ARHGAP26: variants seen among roughly 807,000 people sequenced by gnomAD.
ARHGAP26 encodes rho GTPase-activating protein 26.
In ARHGAP26, 38 loss-of-function variants were observed where a neutral mutation model predicts 104.8. The ratio of observed to expected loss-of-function variants is 0.36; its 90% CI spans 0.28 to 0.48. ARHGAP26 has a LOEUF of 0.48. Among genes scored for constraint, ARHGAP26 ranks in the 20% least tolerant of loss-of-function variants. The pLI is 0.99. For missense variants in ARHGAP26, 704 were observed against 947.9 expected (o/e 0.74, Z 3.38); for synonymous variants, 341 against 340.0 (o/e 1.00, Z -0.03).
In ARHGAP26 at chr5:142,995,430, A is replaced by G. The variant is rs527491279; in HGVS notation, c.1108-18650A>G. Among the ~76,000 whole-genome samples the G allele has an allele frequency of 8.5e-5, 13 of 152,384 alleles. 1 individual carries two copies. The South Asian group carries it at 2.1e-3, about 24-fold the overall frequency. ...TAAAAAAAGCTCATCATCACTGGTC[A>G]TTAGAGAAATGCAAATCAAAACCAC... On this transcript the variant is annotated intron_variant, in intron 11 of 22. Transcript: ENST00000645722.
intron 19 of ARHGAP26, among the ~76,000 whole-genome samples, chr5:143,146,587 A>C (rs1159375089): frequency 6.6e-6 from 1 of 152,220 alleles, no homozygotes; most frequent in Non-Finnish European, 1.5e-5. Flanking sequence ...TGTTGTTTAT[A>C]GGCAAACCAT....
At chr5:142,995,116 A>G (rs541281960) in intron 11 of ARHGAP26, among the ~76,000 whole-genome samples, 1 of 152,394 alleles carries the variant, frequency 6.6e-6, no homozygotes, top group South Asian at 2.1e-4. Flanking sequence ...CAAAGACTTC[A>G]TGACTAAAAC....
chr5:142,909,439 C>T (rs757407133), intron 9 of ARHGAP26, among the ~76,000 whole-genome samples: 16 of 152,170 alleles, frequency 1.1e-4, no homozygotes, highest in Non-Finnish European at 1.6e-4. Flanking sequence ...CTGTTAGGTG[C>T]TGTTGTCATT....
chr5:142,954,583 A>G (rs142316424), intron 11 of ARHGAP26, among the ~76,000 whole-genome samples: 7 of 152,220 alleles, frequency 4.6e-5, no homozygotes, highest in African/African-American at 1.7e-4. Context: ...CAGCATCTCT[A>G]CACCCTCCCC....
chr5:143,133,701 A>G (rs932371521), intron 18 of ARHGAP26, among the ~76,000 whole-genome samples: 10 of 152,218 alleles, frequency 6.6e-5, no homozygotes, highest in African/African-American at 2.2e-4. Context: ...AGAACAATAA[A>G]AAGACGCTTA....
Position 143,226,486 on chromosome 5 carries a change from A to AG in ARHGAP26, c.*4040_*4041insG, listed in dbSNP as rs1811690868. 1 of 24,766 alleles carries AG rather than the reference A, an allele frequency of 4.0e-5. No homozygotes were observed. The highest frequency in any genetic ancestry group is 4.6e-4 in the African/African-American group (1 of 2,162). 1.5% of individuals were successfully genotyped at this position (24,766 alleles called of 1,614,324 possible). A position where few individuals can be genotyped will look rare whatever the true frequency, so the allele number is the denominator to read the frequency against. On this transcript the variant is annotated 3_prime_UTR_variant, in exon 23 of 23. Coordinates refer to ENST00000645722, the MANE Select transcript of ARHGAP26 (RefSeq NM_001135608.3). ...ACAGAGCCAGACTCCGTCTCAAAGGAAAAAAAAAAAAAAAAAAAAAGAATG... is the reference window on the plus strand; with the variant it reads ...ACAGAGCCAGACTCCGTCTCAAAGGAGAAAAAAAAAAAAAAAAAAAAGAATG...
At chr5:143,134,218 C>A (rs1797674534) in intron 19 of ARHGAP26, 113 bp downstream of exon 19, 2 of 1,275,910 alleles carry the variant, frequency 1.6e-6, no homozygotes, top group Admixed American at 2.6e-5. Flanking sequence ...CTTTTTGTGT[C>A]CTTGAAGACT....
At chr5:143,214,423 G>T (rs1810010884) in intron 22 of ARHGAP26, among the ~76,000 whole-genome samples, 2 of 152,142 alleles carry the variant, frequency 1.3e-5, no homozygotes, top group Non-Finnish European at 1.5e-5. Context: ...GTTTAAAATG[G>T]TACTCAACAT....
intron 5 of ARHGAP26, among the ~76,000 whole-genome samples, chr5:142,889,882 C>T (rs910052514): frequency 6.6e-6 from 1 of 151,654 alleles, no homozygotes; most frequent in Non-Finnish European, 1.5e-5. Flanking sequence ...TGCCTGGAAT[C>T]TCAGCACTTT....
intron 17 of ARHGAP26, among the ~76,000 whole-genome samples, chr5:143,062,920 C>T (rs543033429): frequency 6.6e-6 from 1 of 152,252 alleles, no homozygotes; most frequent in South Asian, 2.1e-4. Context: ...AATAAAATAG[C>T]CGTAGAATTT....
At chr5:143,126,580 T>G (rs1349661362) in intron 18 of ARHGAP26, among the ~76,000 whole-genome samples, 1 of 152,200 alleles carries the variant, frequency 6.6e-6, no homozygotes, top group East Asian at 1.9e-4. Flanking sequence ...TCAGATAGTG[T>G]CACCTTTGAC....
chr5:142,817,337 G>A (rs913848785), intron 1 of ARHGAP26, among the ~76,000 whole-genome samples: 4 of 152,206 alleles, frequency 2.6e-5, no homozygotes, highest in Admixed American at 6.5e-5. Context: ...CAGAGTCATT[G>A]TTGAAAACAA....
At chr5:142,933,654 C>A (rs1765033202) in intron 11 of ARHGAP26, among the ~76,000 whole-genome samples, 1 of 152,110 alleles carries the variant, frequency 6.6e-6, no homozygotes, top group African/African-American at 2.4e-5. Flanking sequence ...TTCGAAGGAC[C>A]CAGAAGATGC....
Position 143,014,009 on chromosome 5 carries a change from A to T in ARHGAP26, c.1108-71A>T, listed in dbSNP as rs1048670178. ...CAAACTAGGGAAAGTGAGGAAGATA[A>T]TGGTTTTCTACAGTGAACCTATAGG... On this transcript the variant is annotated intron_variant, in intron 11 of 22. Transcript: ENST00000645722. 5.4e-6 allele frequency: 8 copies of T among 1,484,982 alleles called. No individual in the cohort carries two copies. In the South Asian group the frequency reaches 9.2e-5, roughly 17 times the overall value. 92.0% of individuals were successfully genotyped at this position (1,484,982 alleles called of 1,614,324 possible).
chr5:142,919,386 C>G (rs547106671), intron 10 of ARHGAP26: 1 of 398,540 alleles, frequency 2.5e-6, no homozygotes, highest in South Asian at 1.3e-4. Context: ...AGGAGGAACC[C>G]TTGATCTTGA....
intron 1 of ARHGAP26, among the ~76,000 whole-genome samples, chr5:142,791,709 A>G (rs976335664): frequency 2.6e-5 from 4 of 152,148 alleles, no homozygotes; most frequent in Non-Finnish European, 4.4e-5. Context: ...CATACCTGTA[A>G]TCCCAGCACT....
intron 9 of ARHGAP26, among the ~76,000 whole-genome samples, chr5:142,909,615 A>G (rs1761564109): frequency 6.6e-6 from 1 of 152,252 alleles, no homozygotes; most frequent in South Asian, 2.1e-4. Flanking sequence ...TGGCAGGGGC[A>G]GGATTGATTT....
intron 9 of ARHGAP26, among the ~76,000 whole-genome samples, chr5:142,912,280 A>T (rs1761933412): frequency 6.6e-6 from 1 of 152,266 alleles, no homozygotes; most frequent in Non-Finnish European, 1.5e-5. Flanking sequence ...TAGCAAAGCA[A>T]TTACGTTAAG....
At chr5:142,940,944 G>A (rs1233196127) in intron 11 of ARHGAP26, among the ~76,000 whole-genome samples, 1 of 151,558 alleles carries the variant, frequency 6.6e-6, no homozygotes, top group African/African-American at 2.4e-5. Context: ...GCATGGTGGC[G>A]GGTGCCTGTA....
Sources: allele counts gnomAD v4.1 joint callset (sites outside exome capture counted in the v4.1 genomes callset), GRCh38; gene constraint gnomAD v4.1.1; transcripts MANE v1.5; gene names NCBI Gene and HGNC (gene_info 2026-07-23, HGNC 2026-07-21).